Variants in SYN2 observed in about 807,000 individuals in gnomAD.
SYN2 encodes the protein synapsin II, also known as synapsin-2.
SYN2 carries 19 observed loss-of-function variants against 50.9 expected under a neutral mutation model. The observed-to-expected ratio is 0.37, with a 90% confidence interval of 0.26 to 0.55. The LOEUF is 0.55. Ranked by LOEUF, SYN2 falls within the 20% of genes least tolerant of loss-of-function variation. The probability of loss-of-function intolerance (pLI) is 0.81; values close to 1 mark genes in which losing one functional copy is unlikely to be tolerated. For synonymous variants in SYN2, 255 were observed against 224.9 expected, an observed-to-expected ratio of 1.13 and a Z score of -1.20; for missense variants, 587 against 576.4, an observed-to-expected ratio of 1.02 and a Z score of -0.19.
chr3:12,009,333 GT>G (rs75187596), intron 1 of SYN2, among the ~76,000 whole-genome samples: 10,527 of 146,268 alleles, frequency 0.072, 427 homozygotes, highest in East Asian at 0.15. Context: ...TCTCTACCAT[GT>G]TTTTTTTTTT....
chr3:12,190,933 A>G lies in SYN2; in HGVS notation c.*308A>G. The G allele has an allele frequency of 1.8e-6, 2 of 1,108,178 alleles. No individual in the cohort carries two copies. Among genetic ancestry groups the G allele is most frequent in the Non-Finnish European group, 2.2e-6 (2 of 908,824 alleles). 68.6% of individuals were successfully genotyped at this position (1,108,178 alleles called of 1,614,324 possible). A position where few individuals can be genotyped will look rare whatever the true frequency, so the allele number is the denominator to read the frequency against. ...GTGGCCTTATTGTGACAGTGCCATC[A>G]TGTCTTATTCTTCCCTGTGAAACCA... On this transcript the variant is annotated 3_prime_UTR_variant, in exon 13 of 13. Transcript: ENST00000621198.
intron 5 of SYN2, chr3:12,154,359 TCAGACTTTCCCTCTGCACCAAGGA>T: frequency 6.2e-7 from 1 of 1,614,216 alleles, no homozygotes; most frequent in Non-Finnish European, 8.5e-7. Context: ...TAGTGATGAT[TCAGACTTTCCCTCTGCACCAAGGA>T]CAGGTCCTCC....
intron 1 of SYN2, among the ~76,000 whole-genome samples, chr3:12,096,212 T>G (rs1574937965): frequency 6.6e-6 from 1 of 152,206 alleles, no homozygotes; most frequent in East Asian, 1.9e-4. Flanking sequence ...CTTCCTATCT[T>G]AAAGCTTTCA....
intron 1 of SYN2, among the ~76,000 whole-genome samples, chr3:12,046,843 T>C (rs938890380): frequency 1.3e-5 from 2 of 152,150 alleles, no homozygotes; most frequent in Non-Finnish European, 2.9e-5. Flanking sequence ...GCTGGGTGGA[T>C]GGAGGTTGCC....
intron 10 of SYN2, among the ~76,000 whole-genome samples, chr3:12,172,280 A>C (rs1166221952): frequency 1.3e-5 from 2 of 152,204 alleles, no homozygotes; most frequent in Non-Finnish European, 2.9e-5. Context: ...AGGCCACATA[A>C]TACCTGGAGT....
intron 1 of SYN2, among the ~76,000 whole-genome samples, chr3:12,027,425 C>G (rs1013677299): frequency 5.3e-5 from 8 of 152,106 alleles, no homozygotes; most frequent in African/African-American, 1.7e-4. Context: ...CATTGTCCCC[C>G]TTTTTATCAT....
At position 12,183,358 on chromosome 3, in the gene SYN2, G is replaced by A. The variant is rs374719478; in HGVS notation, c.1355G>A (p.Arg452Gln). ...GACTCAAGCAAGACCCCACCTCAGC[G>A]GCCACCCCCTCAAGGTTGTTTACAG... The part of the protein sequence containing the change: ...DPDSSKTPPQ[R>Q]PPPQGGPGQP... Residue 452 changes from arginine to glutamine, a missense_variant, in exon 11 of 13, where the codon CGG becomes CAG. By Grantham distance (43) the Arg-to-Gln change is conservative. Transcript: ENST00000621198. The A allele has an allele frequency of 6.8e-6, 11 of 1,613,600 alleles. No homozygotes were observed. The highest frequency in any genetic ancestry group is 1.6e-4 in the Middle Eastern group (1 of 6,084).
intron 5 of SYN2, among the ~76,000 whole-genome samples, chr3:12,159,674 A>G (rs1467358177): frequency 6.6e-6 from 1 of 152,166 alleles, no homozygotes; most frequent in Non-Finnish European, 1.5e-5. Context: ...GAGGCCCTAG[A>G]CTACATTGAT....
At chr3:12,102,289 C>T (rs1696094065) in intron 1 of SYN2, among the ~76,000 whole-genome samples, 1 of 152,104 alleles carries the variant, frequency 6.6e-6, no homozygotes, top group Non-Finnish European at 1.5e-5. Flanking sequence ...ATTTGCCATT[C>T]TTAGGTCTCT....
chr3:12,153,130 G>A, intron 5 of SYN2: 1 of 293,938 alleles, frequency 3.4e-6, no homozygotes, highest in Non-Finnish European at 6.7e-6. Flanking sequence ...TTCTGATACT[G>A]TACATCGCAA....
chr3:12,178,119 T>C (rs1698129032), intron 10 of SYN2, among the ~76,000 whole-genome samples: 1 of 152,196 alleles, frequency 6.6e-6, no homozygotes, highest in Non-Finnish European at 1.5e-5. Flanking sequence ...CGCTGCCTCA[T>C]TCTCCCTGGG....
chr3:12,186,254 G>A (rs1241731505), intron 11 of SYN2, among the ~76,000 whole-genome samples: 1 of 152,212 alleles, frequency 6.6e-6, no homozygotes, highest in Non-Finnish European at 1.5e-5. Flanking sequence ...GGACCTCCCA[G>A]GGCAGTCGTG....
At position 12,004,493 on chromosome 3, in the gene SYN2, G is replaced by T. The variant is rs1693737502; in HGVS notation, c.-59G>T. 1 of 440,784 alleles carries T rather than the reference G, an allele frequency of 2.3e-6. No individual in the cohort carries two copies. Among genetic ancestry groups the T allele is most frequent in the Non-Finnish European group, 4.4e-6 (1 of 229,608 alleles). The allele number at this position is 440,784 out of a possible 1,614,324, so 27.3% of individuals were successfully genotyped here. A position where few individuals can be genotyped will look rare whatever the true frequency, so the allele number is the denominator to read the frequency against. ...CGCCTCAATCTCGCCTTCCGCCCTCGCTCTCCCTCCGCGCCACCAGACCCC... is the reference window on the plus strand; with the variant it reads ...CGCCTCAATCTCGCCTTCCGCCCTCTCTCTCCCTCCGCGCCACCAGACCCC... On this transcript the variant is annotated 5_prime_UTR_variant, in exon 1 of 13. Coordinates refer to ENST00000621198, the MANE Select transcript of SYN2 (RefSeq NM_133625.6).
chr3:12,096,240 A>G (rs1695930310), intron 1 of SYN2, among the ~76,000 whole-genome samples: 1 of 152,210 alleles, frequency 6.6e-6, no homozygotes, highest in African/African-American at 2.4e-5. Context: ...TTTCCTATAA[A>G]TCTTTCTCTA....
intron 5 of SYN2, among the ~76,000 whole-genome samples, chr3:12,154,138 T>A (rs1371920353): frequency 1.3e-5 from 2 of 152,236 alleles, no homozygotes; most frequent in African/African-American, 2.4e-5. Context: ...CCTCCTGTGA[T>A]GGCCACCTTC....
chr3:12,079,344 T>G (rs1042103246), intron 1 of SYN2, among the ~76,000 whole-genome samples: 1 of 152,154 alleles, frequency 6.6e-6, no homozygotes, highest in Non-Finnish European at 1.5e-5. Context: ...TTATGTTGAA[T>G]AGGAGTGGTG....
intron 1 of SYN2, among the ~76,000 whole-genome samples, chr3:12,109,824 C>G (rs1259245979): frequency 3.9e-5 from 6 of 152,166 alleles, no homozygotes; most frequent in Admixed American, 3.3e-4. Flanking sequence ...AGTTTGTATC[C>G]TTACCCCTAC....
intron 1 of SYN2, among the ~76,000 whole-genome samples, chr3:12,076,687 T>G (rs1695474819): frequency 6.6e-6 from 1 of 152,094 alleles, no homozygotes; most frequent in African/African-American, 2.4e-5. Context: ...TAGGTAAGTA[T>G]TATTACTCAC....
chr3:12,112,412 G>T (rs1376736240), intron 1 of SYN2, among the ~76,000 whole-genome samples: 1 of 152,052 alleles, frequency 6.6e-6, no homozygotes, highest in Non-Finnish European at 1.5e-5. Context: ...ACTATTTGGG[G>T]TGCCTATCCT....
Sources: allele counts gnomAD v4.1 joint callset (sites outside exome capture counted in the v4.1 genomes callset), GRCh38; gene constraint gnomAD v4.1.1; transcripts MANE v1.5; gene names NCBI Gene and HGNC (gene_info 2026-07-23, HGNC 2026-07-21).